Variants in B3GALT1 observed in about 807,000 individuals in gnomAD.
B3GALT1 encodes the protein beta-1,3-galactosyltransferase 1.
Under a neutral mutation model 23.2 loss-of-function variants are expected in B3GALT1, and 10 were observed. The observed-to-expected ratio is 0.43, with a 90% CI of 0.27 to 0.73. The LOEUF is 0.73. Ranked by LOEUF, B3GALT1 falls within the 30% of genes least tolerant of loss-of-function variation. The pLI is 0.21. For missense variants in B3GALT1, 299 were observed against 405.4 expected (o/e 0.74, Z 2.25); for synonymous variants, 156 against 141.5 (o/e 1.10, Z -0.73).
At chr2:167,569,212 C>T (rs552402582) in intron 2 of B3GALT1, among the ~76,000 whole-genome samples, 43 of 151,670 alleles carry the variant, frequency 2.8e-4, no homozygotes, top group Non-Finnish European at 5.0e-4. Flanking sequence ...GGATTTTTTG[C>T]CTCCCCATAT....
chr2:167,715,172 T>G, intron 3 of B3GALT1: 1 of 1,613,966 alleles, frequency 6.2e-7, no homozygotes, highest in Non-Finnish European at 8.5e-7. Flanking sequence ...ATTTTCCGAT[T>G]GACTGTTCAC....
intron 3 of B3GALT1, among the ~76,000 whole-genome samples, chr2:167,765,547 C>A (rs188607377): frequency 6.6e-6 from 1 of 152,180 alleles, no homozygotes. Context: ...GGTTTTATTT[C>A]TAAACAATTG....
chr2:167,587,274 G>A lies in B3GALT1; in HGVS notation c.-409-59635G>A, dbSNP rs139729271. ...GAAGTATTATTCAACATATTTTTAC[G>A]TAAAATGTATCAAACCCATATTATC... On this transcript the variant is annotated intron_variant, in intron 2 of 4. Transcript: ENST00000392690. Among the ~76,000 whole-genome samples the A allele has an allele frequency of 2.4e-3, 363 of 152,102 alleles. 2 individuals carry two copies. In the East Asian group the frequency reaches 0.035, roughly 15 times the overall value.
At chr2:167,614,413 A>G (rs951598410) in intron 2 of B3GALT1, among the ~76,000 whole-genome samples, 2 of 151,844 alleles carry the variant, frequency 1.3e-5, no homozygotes, top group Non-Finnish European at 2.9e-5. Flanking sequence ...ACAAAACTGA[A>G]TGGAAAGTCT....
intron 1 of B3GALT1, among the ~76,000 whole-genome samples, chr2:167,413,543 T>C (rs1479319364): frequency 1.3e-5 from 2 of 152,024 alleles, no homozygotes; most frequent in African/African-American, 2.4e-5. Flanking sequence ...TGAAGCTGTA[T>C]TGTTGAATGC....
intron 2 of B3GALT1, among the ~76,000 whole-genome samples, chr2:167,644,773 C>T (rs1479360954): frequency 1.0e-5 from 1 of 97,112 alleles, no homozygotes; most frequent in Non-Finnish European, 1.9e-5. Flanking sequence ...GAGTGAGACT[C>T]TGTCTTAAAA....
intron 3 of B3GALT1, among the ~76,000 whole-genome samples, chr2:167,815,583 A>G (rs1383939954): frequency 6.6e-6 from 1 of 152,166 alleles, no homozygotes; most frequent in African/African-American, 2.4e-5. Flanking sequence ...TCCAAATATT[A>G]TTACTGTCTT....
chr2:167,429,732 C>T (rs1271705129), intron 1 of B3GALT1, among the ~76,000 whole-genome samples: 1 of 152,168 alleles, frequency 6.6e-6, no homozygotes, highest in Non-Finnish European at 1.5e-5. Context: ...TAAGTTTCCC[C>T]CAAGGGCCTC....
At chr2:167,561,948 T>A (rs1684003897) in intron 2 of B3GALT1, among the ~76,000 whole-genome samples, 1 of 152,138 alleles carries the variant, frequency 6.6e-6, no homozygotes, top group Non-Finnish European at 1.5e-5. Context: ...CCTCCCTAAC[T>A]CATTTTATGA....
intron 3 of B3GALT1, among the ~76,000 whole-genome samples, chr2:167,683,857 T>C (rs1451238787): frequency 6.6e-6 from 1 of 152,200 alleles, no homozygotes; most frequent in Non-Finnish European, 1.5e-5. Flanking sequence ...GCATAACTGT[T>C]ATTTTATTTT....
chr2:167,350,647 C>A (rs1009895313), intron 1 of B3GALT1, among the ~76,000 whole-genome samples: 10 of 152,198 alleles, frequency 6.6e-5, no homozygotes, highest in African/African-American at 2.4e-4. Context: ...GACCCTTGGT[C>A]ATCTCCCAGG....
intron 1 of B3GALT1, among the ~76,000 whole-genome samples, chr2:167,299,443 A>G (rs1559059168): frequency 6.6e-6 from 1 of 152,212 alleles, no homozygotes; most frequent in South Asian, 2.1e-4. Context: ...TATGTGTCAC[A>G]GTTCATCACT....
At chr2:167,748,337 G>C (rs1354998442) in intron 3 of B3GALT1, among the ~76,000 whole-genome samples, 1 of 151,964 alleles carries the variant, frequency 6.6e-6, no homozygotes, top group Non-Finnish European at 1.5e-5. Flanking sequence ...GCGATAACTT[G>C]CAAATCCTGG....
At chr2:167,403,378 T>C (rs1698224776) in intron 1 of B3GALT1, among the ~76,000 whole-genome samples, 1 of 152,048 alleles carries the variant, frequency 6.6e-6, no homozygotes, top group South Asian at 2.1e-4. Flanking sequence ...CTTCTTAGTA[T>C]CCCATGGTGT....
chr2:167,644,295 T>C (rs904406796), intron 2 of B3GALT1, among the ~76,000 whole-genome samples: 3 of 152,018 alleles, frequency 2.0e-5, no homozygotes, highest in African/African-American at 7.3e-5. Context: ...GGCAAGTTCT[T>C]ACCAGTAGAA....
In B3GALT1 at chr2:167,325,599, A is replaced by G. The variant is rs564689604; in HGVS notation, c.-511+32265A>G. On this transcript the variant is annotated intron_variant, in intron 1 of 4. Coordinates refer to ENST00000392690, the MANE Select transcript of B3GALT1 (RefSeq NM_020981.4). ...CCAACATCGGGGCTTACAATTCCAC[A>G]TGAGATTTGGGTGAAAACACAGATC... 4.3e-4 allele frequency among the ~76,000 whole-genome samples: 65 copies of G among 151,804 alleles called. 1 individual carries two copies. The highest frequency in any genetic ancestry group is 1.6e-3 in the African/African-American group (65 of 41,368).
At chr2:167,317,407 A>G (rs1342718525) in intron 1 of B3GALT1, among the ~76,000 whole-genome samples, 1 of 152,098 alleles carries the variant, frequency 6.6e-6, no homozygotes, top group Non-Finnish European at 1.5e-5. Context: ...AGCTCTGCCA[A>G]CACAGCCCAG....
At chr2:167,307,199 G>A (rs540043328) in intron 1 of B3GALT1, among the ~76,000 whole-genome samples, 5 of 152,028 alleles carry the variant, frequency 3.3e-5, no homozygotes, top group East Asian at 3.9e-4. Flanking sequence ...CTTTATACAC[G>A]AGTTAATTTG....
At chr2:167,632,809 C>CA (rs1685474231) in intron 2 of B3GALT1, among the ~76,000 whole-genome samples, 1 of 152,008 alleles carries the variant, frequency 6.6e-6, no homozygotes, top group African/African-American at 2.4e-5. Flanking sequence ...AATTAGATCC[C>CA]ATTTGTCAAT....
Sources: gnomAD v4.1 joint callset for allele counts (sites outside exome capture counted in the v4.1 genomes callset) on GRCh38, gnomAD v4.1.1 for gene constraint, MANE v1.5 for transcripts, NCBI Gene and HGNC (gene_info 2026-07-23, HGNC 2026-07-21) for gene names.